ZNF606: variants seen among roughly 807,000 people sequenced by gnomAD.
ZNF606 encodes zinc finger protein 328.
Under a neutral mutation model 74.9 loss-of-function variants are expected in ZNF606, and 37 were observed. The ratio of observed to expected loss-of-function variants is 0.49; its 90% CI spans 0.38 to 0.65. The LOEUF (loss-of-function observed/expected upper bound fraction) is 0.65, where lower values mean the gene tolerates loss of function less well. Ranked by LOEUF, ZNF606 falls within the 30% of genes least tolerant of loss-of-function variation. The pLI, the probability that ZNF606 is intolerant of heterozygous loss-of-function variation, is 0.00. For synonymous variants in ZNF606, 328 were observed against 312.4 expected, an observed-to-expected ratio of 1.05 and a Z score of -0.53; for missense variants, 852 against 952.9, an observed-to-expected ratio of 0.89 and a Z score of 1.39.
chr19:57,981,345 T>C (rs1410669214), intron 6 of ZNF606, among the ~76,000 whole-genome samples: 7 of 152,110 alleles, frequency 4.6e-5, no homozygotes, highest in Admixed American at 2.6e-4. Flanking sequence ...TAATCCTGAG[T>C]ATAATGACTT....
intron 4 of ZNF606, chr19:57,999,135 T>C (rs7248365): frequency 0.67 from 102,063 of 152,502 alleles, 34,448 homozygotes; most frequent in South Asian, 0.73. Context: ...CTGACCCCTG[T>C]GGTGCTGCAG....
In ZNF606 at chr19:58,002,610, G is replaced by C. The variant is rs1455630471; in HGVS notation, c.-266C>G. ...AGAAAACGAAGAACGCCCGGAGGCGGGAGGCCGGAGGCAGGCTGCTGGCTG... is the reference window on the plus strand; with the variant it reads ...AGAAAACGAAGAACGCCCGGAGGCGCGAGGCCGGAGGCAGGCTGCTGGCTG... On this transcript the variant is annotated 5_prime_UTR_variant, in exon 1 of 7. Transcript: ENST00000551380. 1 of 442,100 alleles carries C rather than the reference G, an allele frequency of 2.3e-6. No homozygotes were observed. The highest frequency in any genetic ancestry group is 2.3e-5 in the African/African-American group (1 of 43,838). 27.4% of individuals were successfully genotyped at this position (442,100 alleles called of 1,614,324 possible). A position where few individuals can be genotyped will look rare whatever the true frequency, so the allele number is the denominator to read the frequency against.
intron 4 of ZNF606, among the ~76,000 whole-genome samples, chr19:57,995,047 T>C (rs1482591014): frequency 6.6e-6 from 1 of 151,582 alleles, no homozygotes; most frequent in Non-Finnish European, 1.5e-5. Flanking sequence ...AAAAATTAGC[T>C]GGGCGTGGTG....
At chr19:57,992,479 T>A (rs772325814) in intron 4 of ZNF606, among the ~76,000 whole-genome samples, 4 of 152,174 alleles carry the variant, frequency 2.6e-5, no homozygotes, top group African/African-American at 7.2e-5. Context: ...AAGGCAAAAA[T>A]CAGGCAAACC....
At chr19:57,996,320 G>A (rs1253289015) in intron 4 of ZNF606, among the ~76,000 whole-genome samples, 1 of 152,108 alleles carries the variant, frequency 6.6e-6, no homozygotes, top group Non-Finnish European at 1.5e-5. Context: ...TGACCAACAT[G>A]GTGAAACCCT....
intron 4 of ZNF606, among the ~76,000 whole-genome samples, chr19:57,991,525 T>G (rs528658106): frequency 6.4e-4 from 97 of 152,236 alleles, no homozygotes; most frequent in African/African-American, 2.3e-3. Flanking sequence ...AACATGGAGT[T>G]GGGAGTGGTG....
At chr19:57,983,261 C>T (rs1241243640) in intron 6 of ZNF606, among the ~76,000 whole-genome samples, 3 of 152,116 alleles carry the variant, frequency 2.0e-5, no homozygotes, top group Non-Finnish European at 4.4e-5. Context: ...TCCTACCAAA[C>T]AGTGATGAAT....
In ZNF606 at chr19:57,989,878, C is replaced by T. The variant is rs542832037; in HGVS notation, c.178-1157G>A. On this transcript the variant is annotated intron_variant, in intron 4 of 6. Coordinates refer to ENST00000551380, the MANE Select transcript of ZNF606 (RefSeq NM_001348022.3). The stretch of plus-strand genomic sequence containing the variant: ...CATCCTGGCCAACATGGTGAAACCC[C>T]GTCTCTACTAAAAATACAAAAAAAT... Among the ~76,000 whole-genome samples the T allele has an allele frequency of 6.2e-5, 9 of 144,312 alleles. No homozygotes were observed. In the East Asian group the frequency reaches 1.0e-3, roughly 17 times the overall value. The allele number at this position is 144,312 out of a possible 152,430, so 94.7% of individuals were successfully genotyped here.
Position 57,978,211 on chromosome 19 carries a change from CTT to C in ZNF606, c.*88_*89del. 6.8e-6 allele frequency: 9 copies of C among 1,319,228 alleles called. No homozygotes were observed. The highest frequency in any genetic ancestry group is 2.6e-4 in the Middle Eastern group (1 of 3,858). The allele number at this position is 1,319,228 out of a possible 1,614,324, so 81.7% of individuals were successfully genotyped here. On this transcript the variant is annotated 3_prime_UTR_variant, in exon 7 of 7. Coordinates refer to ENST00000551380, the MANE Select transcript of ZNF606 (RefSeq NM_001348022.3). The surrounding 1 kb of genome is among the most constrained non-coding windows in gnomAD (Gnocchi z 4.4). The stretch of plus-strand genomic sequence containing the variant: ...AATGTGGGAGAAGTCTTACTGAACT[CTT>C]AATGAAAAATGTCCCCTCTTGATTA...
chr19:57,988,556 T>C (rs2073200864), intron 5 of ZNF606, 39 bp downstream of exon 5: 5 of 1,596,252 alleles, frequency 3.1e-6, no homozygotes, highest in Non-Finnish European at 4.3e-6. Context: ...GGCATTACCA[T>C]GGGAACAGCT....
At chr19:57,990,373 AAAAAG>A (rs58620874) in intron 4 of ZNF606, among the ~76,000 whole-genome samples, 56,151 of 149,456 alleles carry the variant, frequency 0.38, 12,079 homozygotes, top group South Asian at 0.6. Flanking sequence ...TCAAAAAAAA[AAAAAG>A]AAATCAACTC....
At position 57,979,511 on chromosome 19, in the gene ZNF606, T is replaced by C. The variant is rs1411739037; in HGVS notation, c.1169A>G (p.His390Arg). 1.9e-6 allele frequency: 3 copies of C among 1,613,946 alleles called. No homozygotes were observed. The highest frequency in any genetic ancestry group is 1.7e-5 in the Admixed American group (1 of 60,008). Reference sequence around the variant, plus strand: ...TTTCTCTGCAGTGTAAGTGCTTGTATGTTGAGTAAGGAAAGAGTCATACCC... The same window carrying C: ...TTTCTCTGCAGTGTAAGTGCTTGTACGTTGAGTAAGGAAAGAGTCATACCC... ...VFGYDSFLTQ[H>R]TSTYTAEKPY... Residue 390 changes from histidine (H) to arginine (R), a missense_variant, in exon 7 of 7, where the codon CAT (histidine) becomes CGT (arginine). By Grantham distance (29) the His-to-Arg change is conservative. Coordinates refer to ENST00000551380, the MANE Select transcript of ZNF606 (RefSeq NM_001348022.3).
At chr19:57,986,938 T>A (rs929639296) in intron 6 of ZNF606, among the ~76,000 whole-genome samples, 2 of 152,046 alleles carry the variant, frequency 1.3e-5, no homozygotes, top group African/African-American at 2.4e-5. Flanking sequence ...AATTTTTTTT[T>A]AATTAACTGA....
chr19:57,990,539 CAA>C (rs1028844010), intron 4 of ZNF606, among the ~76,000 whole-genome samples: 2,046 of 51,854 alleles, frequency 0.039, 48 homozygotes, highest in African/African-American at 0.12. Context: ...AACCCAGTCT[CAA>C]AAAAAAAAAA....
At chr19:58,000,625 G>A in intron 3 of ZNF606, 58 bp downstream of exon 3, 7 of 1,559,686 alleles carry the variant, frequency 4.5e-6, no homozygotes, top group Non-Finnish European at 6.2e-6. Flanking sequence ...CTGTGGCAGA[G>A]CACTACAGCC....
upstream of ZNF606, chr19:58,002,864 G>A (rs1555790985): frequency 2.3e-6 from 1 of 434,340 alleles, no homozygotes; most frequent in Non-Finnish European, 4.6e-6. Flanking sequence ...TTCCAGGCGG[G>A]CACTTCCGGC....
In ZNF606 at chr19:57,987,448, A is replaced by G. The variant is rs181192261; in HGVS notation, c.400+759T>C. Among the ~76,000 whole-genome samples the G allele has an allele frequency of 3.3e-5, 5 of 152,200 alleles. No individual in the cohort carries two copies. In the East Asian group the frequency reaches 9.6e-4, roughly 29 times the overall value. ...AGGAGATTTTTTTTTTAGCTTATAC[A>G]TTTTAAGTAGCTTTCAGATATTTGA... On this transcript the variant is annotated intron_variant, in intron 6 of 6. Transcript: ENST00000551380.
chr19:58,002,879 G>A (rs1387695743), upstream of ZNF606: 1 of 432,408 alleles, frequency 2.3e-6, no homozygotes, highest in Non-Finnish European at 4.6e-6. Flanking sequence ...TCCGGCGTCG[G>A]GCAGCGGCGC....
chr19:57,979,032 T>C lies in ZNF606; in HGVS notation c.1648A>G (p.Arg550Gly). ...FKCDECEKAF[R>G]DYSALSKHER... ...TGTTTACTAAGGGCTGAGTAGTCCC[T>C]AAAAGCTTTTTCACATTCATCACAT... The change falls in exon 7 of 7, where the codon AGG becomes GGG. Residue 550 changes from arginine to glycine, a missense_variant. This residue lies in a region of ZNF606 where 243 missense variants were observed against 359.2 expected (regional missense o/e 0.68). Transcript: ENST00000551380. 1 of 1,614,110 alleles carries C rather than the reference T, an allele frequency of 6.2e-7. No homozygotes were observed. The highest frequency in any genetic ancestry group is 8.5e-7 in the Non-Finnish European group (1 of 1,179,982).
Sources: gnomAD v4.1 joint callset for allele counts (sites outside exome capture counted in the v4.1 genomes callset) on GRCh38, gnomAD v4.1.1 for gene constraint, gnomAD v4.1.1 regional missense constraint, Gnocchi (gnomAD v3.1) non-coding constraint, MANE v1.5 for transcripts, NCBI Gene and HGNC (gene_info 2026-07-23, HGNC 2026-07-21) for gene names.